Variants in NAT10 observed in about 807,000 individuals in gnomAD.
The protein encoded by NAT10 is RNA cytidine acetyltransferase.
A neutral mutation model predicts 132.2 loss-of-function variants in NAT10; 109 were observed. The observed-to-expected ratio is 0.82, with a 90% CI of 0.71 to 0.97. The LOEUF is 0.97. NAT10 is among the 50% of genes least tolerant of loss of function. The pLI is 0.00. For missense variants in NAT10, 1,184 were observed against 1,263.4 expected (o/e 0.94, Z 0.95); for synonymous variants, 479 against 478.0 (o/e 1.00, Z -0.03).
At chr11:34,119,183 G>GCA (rs1222354133) in intron 8 of NAT10, among the ~76,000 whole-genome samples, 1 of 152,216 alleles carries the variant, frequency 6.6e-6, no homozygotes, top group African/African-American at 2.4e-5. Context: ...TGCTCATTGA[G>GCA]GTGGTCTGCA....
chr11:34,108,461 A>G, intron 2 of NAT10, 128 bp downstream of exon 2: 1 of 765,038 alleles, frequency 1.3e-6, no homozygotes, highest in East Asian at 2.6e-5. Context: ...GCCTAGTGGG[A>G]ACCTTTCTTT....
intron 11 of NAT10, among the ~76,000 whole-genome samples, chr11:34,125,185 T>C (rs903530312): frequency 2.6e-5 from 4 of 152,230 alleles, no homozygotes; most frequent in Non-Finnish European, 1.5e-5. Context: ...TTTTTCTTAC[T>C]AGCCTCTTTC....
chr11:34,135,193 G>T lies in NAT10; in HGVS notation c.1930G>T (p.Ala644Ser). Reference protein sequence around the residue: ...DYQGMGYGSRALQLLQMYYEG... With the variant: ...DYQGMGYGSRSLQLLQMYYEG... ...CTCCTAGATGGGCTATGGCAGCCGTGCTCTGCAGCTGCTGCAGATGTACTA... is the reference window on the plus strand; with the variant it reads ...CTCCTAGATGGGCTATGGCAGCCGTTCTCTGCAGCTGCTGCAGATGTACTA... The change falls in exon 19 of 29, where the codon GCT (alanine) becomes TCT (serine). Residue 644 changes from alanine (A) to serine (S), a missense_variant. Physicochemically the swap from Ala to Ser is moderately conservative, Grantham distance 99. Transcript: ENST00000257829. The T allele has an allele frequency of 6.2e-7, 1 of 1,613,622 alleles. No individual in the cohort carries two copies. Among genetic ancestry groups the T allele is most frequent in the Non-Finnish European group, 8.5e-7 (1 of 1,179,586 alleles).
At chr11:34,117,542 C>G (rs1851802768) in intron 6 of NAT10, among the ~76,000 whole-genome samples, 11 of 152,152 alleles carry the variant, frequency 7.2e-5, no homozygotes, top group Admixed American at 7.2e-4. Flanking sequence ...CTCATTTTAA[C>G]CATCTGTGAT....
chr11:34,135,238 C>T lies in NAT10; in HGVS notation c.1975C>T (p.Leu659=), dbSNP rs778884937. 2 of 1,614,152 alleles carry T rather than the reference C, an allele frequency of 1.2e-6. No homozygotes were observed. The highest frequency in any genetic ancestry group is 2.2e-5 in the South Asian group (2 of 91,072). ...QMYYEGRFPC[L]EEKVLETPQE... ...GTACTATGAAGGCAGGTTTCCTTGT[C>T]TGGAGGAAAAGGTCCTTGAGACACC... The change falls in exon 19 of 29, where the codon CTG becomes TTG. Residue 659 remains leucine (L), a synonymous_variant. Coordinates refer to ENST00000257829, the MANE Select transcript of NAT10 (RefSeq NM_024662.3).
In NAT10 at chr11:34,134,583, A is replaced by G. The variant is rs1852175135; in HGVS notation, c.1908A>G (p.Gln636=). Residue 636 remains glutamine (Q), a synonymous_variant, in exon 18 of 29, where the codon CAA becomes CAG. Coordinates refer to ENST00000257829, the MANE Select transcript of NAT10 (RefSeq NM_024662.3). ...GCATTGCTGTTCACCCAGATTATCA[A>G]GGGGTAATGTGTCCTCAGGCTCCCC... ...VVRIAVHPDY[Q]GMGYGSRALQ... 1.9e-6 allele frequency: 3 copies of G among 1,614,064 alleles called. No individual in the cohort carries two copies. The highest frequency in any genetic ancestry group is 2.5e-6 in the Non-Finnish European group (3 of 1,180,006).
intron 25 of NAT10, among the ~76,000 whole-genome samples, 166 bp downstream of exon 25, chr11:34,141,374 G>A (rs1020736795): frequency 1.3e-5 from 2 of 149,164 alleles, no homozygotes; most frequent in Non-Finnish European, 1.5e-5. Context: ...ACACATGTTA[G>A]CATTTAGCTG....
Position 34,118,240 on chromosome 11 carries a change from C to G in NAT10, c.618C>G (p.Ile206Met), listed in dbSNP as rs1035124146. 5.6e-6 allele frequency: 9 copies of G among 1,614,074 alleles called. No homozygotes were observed. The highest frequency in any genetic ancestry group is 1.3e-5 in the African/African-American group (1 of 74,934). Reference sequence around the variant, plus strand: ...TCGTCATTGATGACCAGCTCAACATCCTGCCCATCTCCTCCCACGTTGCCA... The same window carrying G: ...TCGTCATTGATGACCAGCTCAACATGCTGCCCATCTCCTCCCACGTTGCCA... ...KCLVIDDQLN[I>M]LPISSHVATM... Residue 206 changes from isoleucine (I) to methionine (M), a missense_variant, in exon 7 of 29, where the codon ATC (isoleucine) becomes ATG (methionine). Transcript: ENST00000257829.
At position 34,108,422 on chromosome 11, in the gene NAT10, G is replaced by A; in HGVS notation, c.108+89G>A. On this transcript the variant is annotated intron_variant, in intron 2 of 28. Transcript: ENST00000257829. ...GCACTCTGCTGTTTCAGGACATAAT[G>A]GCATTAAGATCTCTTTGGCTGGTAA... 4.7e-6 allele frequency: 5 copies of A among 1,065,940 alleles called. No individual in the cohort carries two copies. In the East Asian group the frequency reaches 7.1e-5, roughly 15 times the overall value. The allele number at this position is 1,065,940 out of a possible 1,614,324, so 66.0% of individuals were successfully genotyped here.
chr11:34,144,562 A>C (rs185064817), intron 28 of NAT10, among the ~76,000 whole-genome samples: 298 of 152,370 alleles, frequency 2.0e-3, no homozygotes, highest in Admixed American at 4.1e-3. Context: ...GAAAAAAGGC[A>C]AATAACTGTT....
At position 34,122,541 on chromosome 11, in the gene NAT10, G is replaced by C. The variant is rs373535671; in HGVS notation, c.863G>C (p.Arg288Pro). 7 of 1,614,066 alleles carry C rather than the reference G, an allele frequency of 4.3e-6. No homozygotes were observed. The highest frequency in any genetic ancestry group is 5.9e-6 in the Non-Finnish European group (7 of 1,180,036). ...STVALTAARGRGKSAALGLAI... is the reference protein window; with the variant it reads ...STVALTAARGPGKSAALGLAI... ...GTTGCACTCACAGCTGCTCGAGGAC[G>C]GGGAAAATCTGCAGCCCTGGGATTG... Residue 288 changes from arginine to proline, a missense_variant, in exon 9 of 29, where the codon CGG becomes CCG. Physicochemically the swap from Arg to Pro is moderately radical, Grantham distance 103 (BLOSUM62 -2). Coordinates refer to ENST00000257829, the MANE Select transcript of NAT10 (RefSeq NM_024662.3).
rs1212181693 is a variant in NAT10 at position 34,146,220 on chromosome 11, G to C, written c.*28G>C. ...AAGAGAAACTCGGGCATCTGTGTTT[G>C]ATCATGGGAAGATACTCTCACTAAC... On this transcript the variant is annotated 3_prime_UTR_variant, in exon 29 of 29. Transcript: ENST00000257829. The C allele has an allele frequency of 1.3e-6, 2 of 1,498,716 alleles. No homozygotes were observed. Among genetic ancestry groups the C allele is most frequent in the Non-Finnish European group, 1.8e-6 (2 of 1,094,552 alleles). The allele number at this position is 1,498,716 out of a possible 1,614,324, so 92.8% of individuals were successfully genotyped here.
Position 34,112,224 on chromosome 11 carries a change from G to T in NAT10, c.372+1G>T. 6.2e-7 allele frequency: 1 copy of T among 1,614,186 alleles called. No individual in the cohort carries two copies. Among genetic ancestry groups the T allele is most frequent in the Non-Finnish European group, 8.5e-7 (1 of 1,180,022 alleles). ...TACCTTCGGCATGTGTGTGCTGCAG[G>T]TGGGTGGCTTCCTCTAACCTGTGAT... On this transcript the variant is annotated splice_donor_variant, in intron 4 of 28. Transcript: ENST00000257829. LOFTEE classifies it high-confidence loss of function.
intron 19 of NAT10, 91 bp downstream of exon 19, chr11:34,135,382 G>T: frequency 1.0e-6 from 1 of 969,158 alleles, no homozygotes. Flanking sequence ...CCAGTCCAGA[G>T]CTTTGGACCC....
rs1250392789 is a variant in NAT10 at position 34,105,631 on chromosome 11, T to A, written c.-177T>A. 6.6e-6 allele frequency: 1 copy of A among 152,366 alleles called. No homozygotes were observed. Among genetic ancestry groups the A allele is most frequent in the Non-Finnish European group, 1.5e-5 (1 of 68,122 alleles). 9.4% of individuals were successfully genotyped at this position (152,366 alleles called of 1,614,324 possible). On this transcript the variant is annotated 5_prime_UTR_variant, in exon 1 of 29. Transcript: ENST00000257829. ...CGCTTGCGCACGTGCTGTCTACCAG[T>A]TCCTGAGAGGGACGCGTGCCGCGGA...
At chr11:34,138,074 G>A (rs1483897636) in intron 21 of NAT10, among the ~76,000 whole-genome samples, 1 of 152,206 alleles carries the variant, frequency 6.6e-6, no homozygotes, top group Non-Finnish European at 1.5e-5. Context: ...CGCTAAAGAA[G>A]GATTGTCCGA....
At chr11:34,120,143 G>GTTTTTTTTTT (rs771235436) in intron 8 of NAT10, among the ~76,000 whole-genome samples, 1 of 94,152 alleles carries the variant, frequency 1.1e-5, no homozygotes, top group Non-Finnish European at 1.9e-5. Flanking sequence ...GTTGCTGTTG[G>GTTTTTTTTTT]TTTTTTTTTT....
At chr11:34,127,850 T>C (rs1052052740) in intron 12 of NAT10, among the ~76,000 whole-genome samples, 2 of 152,206 alleles carry the variant, frequency 1.3e-5, no homozygotes, top group Non-Finnish European at 2.9e-5. Context: ...GTGCTGAGTG[T>C]CTGCTTCTGT....
intron 12 of NAT10, among the ~76,000 whole-genome samples, chr11:34,128,070 C>T (rs1435893451): frequency 6.6e-6 from 1 of 151,954 alleles, no homozygotes; most frequent in East Asian, 1.9e-4. Flanking sequence ...GAAAAATCAC[C>T]TGTAGCCAGG....
Sources: gnomAD v4.1 joint callset for allele counts (sites outside exome capture counted in the v4.1 genomes callset) on GRCh38, gnomAD v4.1.1 for gene constraint, MANE v1.5 for transcripts, NCBI Gene and HGNC (gene_info 2026-07-23, HGNC 2026-07-21) for gene names.